The following MAPKAPK3 variants were observed in gnomAD, a reference collection of about 807,000 sequenced individuals.
MAPKAPK3 encodes the protein MAPK activated protein kinase 3, also known as MAP kinase-activated protein kinase 3.
MAPKAPK3 carries 35 observed loss-of-function variants against 49.2 expected under a neutral mutation model. The ratio of observed to expected loss-of-function variants is 0.71; its 90% confidence interval spans 0.54 to 0.94. The LOEUF (loss-of-function observed/expected upper bound fraction) is 0.94, where lower values mean the gene tolerates loss of function less well. Ranked by LOEUF, MAPKAPK3 falls within the 40% of genes least tolerant of loss-of-function variation. The pLI is 0.00. For missense variants in MAPKAPK3, 398 were observed against 493.1 expected (o/e 0.81, Z 1.83); for synonymous variants, 178 against 188.7 (o/e 0.94, Z 0.46).
upstream of MAPKAPK3, chr3:50,611,764 G>C: frequency 2.2e-6 from 3 of 1,350,422 alleles, no homozygotes; most frequent in South Asian, 1.7e-5. Flanking sequence ...CGCGGGCGCA[G>C]GACAGGGACT....
rs746617878 is a variant in MAPKAPK3 at position 50,646,911 on chromosome 3, C to A, written c.915+86C>A. ...GGAGGGTGGTGGCTCTGCTTTGAGGCCCCAGTGCAGGGCTGGAATGGGCCC... is the reference window on the plus strand; with the variant it reads ...GGAGGGTGGTGGCTCTGCTTTGAGGACCCAGTGCAGGGCTGGAATGGGCCC... On this transcript the variant is annotated intron_variant, in intron 9 of 10. Transcript: ENST00000621469. 5 of 1,379,246 alleles carry A rather than the reference C, an allele frequency of 3.6e-6. No individual in the cohort carries two copies. The East Asian group carries it at 9.4e-5, about 26-fold the overall frequency. 85.4% of individuals were successfully genotyped at this position (1,379,246 alleles called of 1,614,324 possible).
intron 2 of MAPKAPK3, among the ~76,000 whole-genome samples, chr3:50,623,557 A>G (rs2032662923): frequency 6.6e-6 from 1 of 152,158 alleles, no homozygotes; most frequent in East Asian, 1.9e-4. Flanking sequence ...TGATACCCCC[A>G]TAAACGGCTA....
At chr3:50,638,445 T>C (rs541140563) in intron 2 of MAPKAPK3, among the ~76,000 whole-genome samples, 1 of 152,236 alleles carries the variant, frequency 6.6e-6, no homozygotes, top group South Asian at 2.1e-4. Context: ...AGGGGTGTTC[T>C]GGAAGGCAAG....
upstream of MAPKAPK3, among the ~76,000 whole-genome samples, chr3:50,616,409 T>C (rs573724394): frequency 5.3e-5 from 8 of 152,318 alleles, no homozygotes; most frequent in South Asian, 2.1e-4. Flanking sequence ...CAGAGACTTA[T>C]ATGTGCAAGG....
chr3:50,645,894 G>T, intron 7 of MAPKAPK3, 109 bp downstream of exon 7: 2 of 1,067,140 alleles, frequency 1.9e-6, no homozygotes, highest in Non-Finnish European at 2.9e-6. Context: ...AGGAGCTTGT[G>T]TGTGTCACTC....
In MAPKAPK3 at chr3:50,646,852, G is replaced by A. The variant is rs367869948; in HGVS notation, c.915+27G>A. ...TGAGCCCCTCCTCCTCCCATGGCAG[G>A]CAGGGTGTCCAACAGGAGTGGGGCT... On this transcript the variant is annotated intron_variant, in intron 9 of 10. Transcript: ENST00000621469. The A allele has an allele frequency of 4.3e-6, 7 of 1,609,876 alleles. No individual in the cohort carries two copies. The African/African-American group carries it at 9.4e-5, about 22-fold the overall frequency.
At chr3:50,625,866 A>C (rs2032724813) in intron 2 of MAPKAPK3, among the ~76,000 whole-genome samples, 1 of 152,108 alleles carries the variant, frequency 6.6e-6, no homozygotes, top group South Asian at 2.1e-4. Flanking sequence ...TCAGGTGCTA[A>C]GGACTCATCC....
Position 50,647,971 on chromosome 3 carries a change from C to T in MAPKAPK3, c.1074C>T (p.Asn358=), listed in dbSNP as rs754240646. The change falls in exon 11 of 11, where the codon AAC becomes AAT. Residue 358 remains asparagine, a synonymous_variant. Coordinates refer to ENST00000621469, the MANE Select transcript of MAPKAPK3 (RefSeq NM_001243925.2). ...AGATCAAGGACCTGAAGACCTCTAA[C>T]AACCGGCTCCTCAACAAGAGGAGAA... ...QVKIKDLKTS[N]NRLLNKRRKK... 13 of 1,613,996 alleles carry T rather than the reference C, an allele frequency of 8.1e-6. No individual in the cohort carries two copies. The South Asian group carries it at 1.3e-4, about 16-fold the overall frequency.
chr3:50,615,139 C>T (rs1424504600), upstream of MAPKAPK3, among the ~76,000 whole-genome samples: 1 of 152,188 alleles, frequency 6.6e-6, no homozygotes, highest in Non-Finnish European at 1.5e-5. Context: ...TGCTCAGCCT[C>T]AGGTTCACCA....
chr3:50,638,858 C>T (rs1010208029), intron 2 of MAPKAPK3, among the ~76,000 whole-genome samples: 12 of 152,256 alleles, frequency 7.9e-5, no homozygotes, highest in Non-Finnish European at 4.4e-5. Flanking sequence ...GGTCCTATGG[C>T]TGCTGAGCAG....
chr3:50,634,477 C>T (rs1430064282), intron 2 of MAPKAPK3, among the ~76,000 whole-genome samples: 1 of 151,686 alleles, frequency 6.6e-6, no homozygotes, highest in Non-Finnish European at 1.5e-5. Context: ...GAAATCCCCT[C>T]CTATCTTCTT....
chr3:50,638,243 G>A (rs1441364466), intron 2 of MAPKAPK3, among the ~76,000 whole-genome samples: 1 of 152,098 alleles, frequency 6.6e-6, no homozygotes, highest in East Asian at 1.9e-4. Flanking sequence ...GCAGGGGGAG[G>A]GGGAGGAGGC....
At chr3:50,631,725 G>A (rs2107585850) in intron 2 of MAPKAPK3, among the ~76,000 whole-genome samples, 1 of 151,718 alleles carries the variant, frequency 6.6e-6, no homozygotes, top group Middle Eastern at 3.4e-3. Context: ...GACTTGTCAA[G>A]GAGGGAGTAT....
chr3:50,637,015 A>C (rs971523993), intron 2 of MAPKAPK3, among the ~76,000 whole-genome samples: 2 of 152,142 alleles, frequency 1.3e-5, no homozygotes, highest in Non-Finnish European at 2.9e-5. Context: ...CCATGTGGGA[A>C]ATGGGTTCCT....
intron 2 of MAPKAPK3, among the ~76,000 whole-genome samples, chr3:50,626,901 T>C (rs1390236795): frequency 2.6e-5 from 4 of 152,052 alleles, no homozygotes; most frequent in Non-Finnish European, 2.9e-5. Context: ...ATCAGCAAAA[T>C]GAGAGCCTGG....
At chr3:50,643,483 C>A (rs1389592011) in intron 5 of MAPKAPK3, among the ~76,000 whole-genome samples, 1 of 152,166 alleles carries the variant, frequency 6.6e-6, no homozygotes, top group Non-Finnish European at 1.5e-5. Flanking sequence ...AGAACGTTAC[C>A]TTCCTTGGCT....
At chr3:50,633,681 G>A (rs192294444) in intron 2 of MAPKAPK3, among the ~76,000 whole-genome samples, 74 of 152,302 alleles carry the variant, frequency 4.9e-4, no homozygotes, top group African/African-American at 1.7e-3. Context: ...TGGCCACAGG[G>A]CAATGACTTC....
intron 7 of MAPKAPK3, 113 bp downstream of exon 7, chr3:50,645,898 G>T: frequency 9.5e-7 from 1 of 1,051,212 alleles, no homozygotes. Context: ...GCTTGTGTGT[G>T]TCACTCCTCA....
intron 10 of MAPKAPK3, among the ~76,000 whole-genome samples, chr3:50,647,522 C>T (rs1166622536): frequency 1.3e-5 from 2 of 152,256 alleles, no homozygotes; most frequent in African/African-American, 4.8e-5. Context: ...CACGTTTGAA[C>T]ATATGGAGTA....
Sources: gnomAD v4.1 joint callset for allele counts (sites outside exome capture counted in the v4.1 genomes callset) on GRCh38, gnomAD v4.1.1 for gene constraint, MANE v1.5 for transcripts, NCBI Gene and HGNC (gene_info 2026-07-23, HGNC 2026-07-21) for gene names.